The following PEF1 variants were observed in gnomAD, a reference collection of about 807,000 sequenced individuals.
The protein encoded by PEF1 is penta-EF-hand domain containing 1, also known as peflin.
A neutral mutation model predicts 32.0 loss-of-function variants in PEF1; 17 were observed. That is an observed-to-expected ratio of 0.53 (90% CI 0.36 to 0.80). PEF1 has a LOEUF of 0.80. Ranked by LOEUF, PEF1 falls within the 30% of genes least tolerant of loss-of-function variation. PEF1 has a pLI of 0.00. For synonymous variants in PEF1, 130 were observed against 139.8 expected (o/e 0.93, Z 0.50); for missense variants, 362 against 369.1 (o/e 0.98, Z 0.16).
rs766879918 is a variant in PEF1 at position 31,630,888 on chromosome 1, G to A, written c.626-46C>T. ...GACCAGACACACAAAAACCTGCCAT[G>A]AGCACCTCCATCAATCAGGAATACT... On this transcript the variant is annotated intron_variant, in intron 4 of 4. Transcript: ENST00000373703. 6.9e-6 allele frequency: 10 copies of A among 1,454,810 alleles called. No homozygotes were observed. The Admixed American group carries it at 9.4e-5, about 14-fold the overall frequency. 90.1% of individuals were successfully genotyped at this position (1,454,810 alleles called of 1,614,324 possible).
chr1:31,632,454 T>C (rs1640133602), intron 4 of PEF1, 41 bp downstream of exon 4: 1 of 1,614,016 alleles, frequency 6.2e-7, no homozygotes, highest in Admixed American at 1.7e-5. Context: ...GAGAAGAGTC[T>C]AGCTCTGTCC....
At chr1:31,634,744 A>C (rs1640209558) in intron 2 of PEF1, 1 of 413,344 alleles carries the variant, frequency 2.4e-6, no homozygotes, top group Non-Finnish European at 4.9e-6. Flanking sequence ...GGTGGCTTGC[A>C]GAGGGGCATC....
intron 1 of PEF1, among the ~76,000 whole-genome samples, chr1:31,636,345 G>C (rs1036548813): frequency 1.3e-5 from 2 of 152,158 alleles, no homozygotes; most frequent in South Asian, 4.2e-4. Flanking sequence ...GTGTGGTGGC[G>C]CACACCTATA....
Position 31,630,584 on chromosome 1 carries a change from G to A in PEF1, c.*29C>T. On this transcript the variant is annotated 3_prime_UTR_variant, in exon 5 of 5. Transcript: ENST00000373703. ...TCTAAGAAGCCAGGAAAGGTCCCTG[G>A]TGCACTCCACTCTCCACAGATGGTT... 3.7e-6 allele frequency: 6 copies of A among 1,600,172 alleles called. No individual in the cohort carries two copies. The highest frequency in any genetic ancestry group is 5.1e-6 in the Non-Finnish European group (6 of 1,169,652).
intron 1 of PEF1, among the ~76,000 whole-genome samples, chr1:31,639,550 G>C (rs923634426): frequency 6.6e-6 from 1 of 152,208 alleles, no homozygotes; most frequent in Non-Finnish European, 1.5e-5. Context: ...TTTCCAATAG[G>C]AGAGGAACGT....
chr1:31,632,435 G>A (rs1442403434), intron 4 of PEF1, 60 bp downstream of exon 4: 1 of 1,611,956 alleles, frequency 6.2e-7, no homozygotes, highest in East Asian at 2.2e-5. Context: ...TTGTATCTTA[G>A]GGTGTAAAGA....
In PEF1 at chr1:31,633,279, A is replaced by G. The variant is rs760744671; in HGVS notation, c.361T>C (p.Ser121Pro). ...APPNVDPEAY[S>P]WFQSVDSDHS... ...TCTGAGTCCACCGACTGGAACCAGGAGTAGGCCTCAGGATCCACATTGGGA... is the reference window on the plus strand; with the variant it reads ...TCTGAGTCCACCGACTGGAACCAGGGGTAGGCCTCAGGATCCACATTGGGA... Residue 121 changes from serine (S) to proline (P), a missense_variant, in exon 3 of 5, where the codon TCC (serine) becomes CCC (proline). Physicochemically the swap from Ser to Pro is moderately conservative, Grantham distance 74. Transcript: ENST00000373703. 1 of 1,613,906 alleles carries G rather than the reference A, an allele frequency of 6.2e-7. No homozygotes were observed.
At position 31,640,659 on chromosome 1, in the gene PEF1, TTAA is replaced by T. The variant is rs747864085; in HGVS notation, c.24+4179_24+4181del. 7.9e-5 allele frequency among the ~76,000 whole-genome samples: 12 copies of T among 152,276 alleles called. No homozygotes were observed. In the East Asian group the frequency reaches 1.3e-3, roughly 17 times the overall value. Reference sequence around the variant, plus strand: ...AAGACTCTTCAGTTCAACCTCTCAGTTAATAATGGAATCTCTGCAGAACCACCT... The same window carrying T: ...AAGACTCTTCAGTTCAACCTCTCAGTTAATGGAATCTCTGCAGAACCACCT... On this transcript the variant is annotated intron_variant, in intron 1 of 4. Coordinates refer to ENST00000373703, the MANE Select transcript of PEF1 (RefSeq NM_012392.4).
chr1:31,630,441 ATT>A lies in PEF1; in HGVS notation c.*170_*171del. On this transcript the variant is annotated 3_prime_UTR_variant, in exon 5 of 5. Coordinates refer to ENST00000373703, the MANE Select transcript of PEF1 (RefSeq NM_012392.4). ...TGTGGCCTCAGCCCCGGTCCTCACT[ATT>A]TGGTGGCTATGATGCAGGACTCTCC... 1 of 688,052 alleles carries A rather than the reference ATT, an allele frequency of 1.5e-6. No individual in the cohort carries two copies. The highest frequency in any genetic ancestry group is 1.8e-5 in the South Asian group (1 of 54,292). The allele number at this position is 688,052 out of a possible 1,614,324, so 42.6% of individuals were successfully genotyped here. A position where few individuals can be genotyped will look rare whatever the true frequency, so the allele number is the denominator to read the frequency against.
intron 1 of PEF1, chr1:31,644,559 G>C (rs1223877473): frequency 1.4e-5 from 19 of 1,404,258 alleles, no homozygotes; most frequent in Non-Finnish European, 1.8e-5. Context: ...AGGCTGTGGA[G>C]CCCAGGCCAG....
chr1:31,644,631 G>T lies in PEF1; in HGVS notation c.24+210C>A, dbSNP rs562622720. 4.1e-4 allele frequency: 598 copies of T among 1,444,268 alleles called. 1 individual carries two copies. The African/African-American group carries it at 7.6e-3, about 18-fold the overall frequency. The allele number at this position is 1,444,268 out of a possible 1,614,324, so 89.5% of individuals were successfully genotyped here. Reference sequence around the variant, plus strand: ...TCCTCGAGTGAGCGACGTCAAGGGGGCGCGACACGACCTCGCGAATGTGCG... The same window carrying T: ...TCCTCGAGTGAGCGACGTCAAGGGGTCGCGACACGACCTCGCGAATGTGCG... On this transcript the variant is annotated intron_variant, in intron 1 of 4. Transcript: ENST00000373703.
intron 1 of PEF1, among the ~76,000 whole-genome samples, chr1:31,641,977 AT>A (rs1442370642): frequency 6.6e-6 from 1 of 152,264 alleles, no homozygotes; most frequent in Non-Finnish European, 1.5e-5. Flanking sequence ...CACGCCTGTA[AT>A]CCCAACACTG....
In PEF1 at chr1:31,632,574, G is replaced by GA; in HGVS notation, c.545dup (p.Ile183HisfsTer12). 1 of 1,614,212 alleles carries GA rather than the reference G, an allele frequency of 6.2e-7. No homozygotes were observed. Among genetic ancestry groups the GA allele is most frequent in the Non-Finnish European group, 8.5e-7 (1 of 1,180,040 alleles). On this transcript the variant is annotated frameshift_variant, in exon 4 of 5. Transcript: ENST00000373703. LOFTEE classifies it high-confidence loss of function. ...GGAAGAGGTTCTTCCACTGCTGGATGAATTTCCACAGGGCTGAGAAGCCGT... is the reference window on the plus strand; with the variant it reads ...GGAAGAGGTTCTTCCACTGCTGGATGAAATTTCCACAGGGCTGAGAAGCCGT...
intron 2 of PEF1, 53 bp from the exon 3 acceptor site, chr1:31,633,367 T>G (rs1640169062): frequency 6.5e-7 from 1 of 1,536,650 alleles, no homozygotes; most frequent in Non-Finnish European, 8.8e-7. Flanking sequence ...AGGGCCAGCC[T>G]CAGTAACTTC....
intron 4 of PEF1, among the ~76,000 whole-genome samples, chr1:31,631,344 G>C (rs1379728451): frequency 2.0e-5 from 3 of 152,238 alleles, no homozygotes; most frequent in South Asian, 4.1e-4. Context: ...GATTAAAACG[G>C]GTGATCATGT....
intron 4 of PEF1, 46 bp from the exon 5 acceptor site, chr1:31,630,888 G>T: frequency 6.9e-7 from 1 of 1,454,808 alleles, no homozygotes; most frequent in South Asian, 1.2e-5. Flanking sequence ...AACCTGCCAT[G>T]AGCACCTCCA....
At chr1:31,639,230 G>A (rs533220879) in intron 1 of PEF1, among the ~76,000 whole-genome samples, 2 of 152,318 alleles carry the variant, frequency 1.3e-5, no homozygotes, top group African/African-American at 4.8e-5. Context: ...GAGTTAAACC[G>A]CAGAGCCAAG....
At position 31,630,312 on chromosome 1, in the gene PEF1, C is replaced by T. The variant is rs1019984650; in HGVS notation, c.*301G>A. ...TGGAGCTCAGCTGACTGGACACTAA[C>T]TCCATTACAAGGACCTGCTCCTGGT... is the stretch of plus-strand genomic sequence containing the variant. On this transcript the variant is annotated 3_prime_UTR_variant, in exon 5 of 5. Coordinates refer to ENST00000373703, the MANE Select transcript of PEF1 (RefSeq NM_012392.4). 7.2e-6 allele frequency: 3 copies of T among 416,208 alleles called. No individual in the cohort carries two copies. The highest frequency in any genetic ancestry group is 1.4e-5 in the Non-Finnish European group (3 of 221,844). 25.8% of individuals were successfully genotyped at this position (416,208 alleles called of 1,614,324 possible).
intron 1 of PEF1, chr1:31,644,551 G>T (rs1355293424): frequency 7.2e-7 from 1 of 1,393,994 alleles, no homozygotes; most frequent in Admixed American, 3.2e-5. Context: ...GCCTTGGGAG[G>T]CTGTGGAGCC....
Sources: gnomAD v4.1 joint callset for allele counts (sites outside exome capture counted in the v4.1 genomes callset) on GRCh38, gnomAD v4.1.1 for gene constraint, MANE v1.5 for transcripts, NCBI Gene and HGNC (gene_info 2026-07-23, HGNC 2026-07-21) for gene names.